ZNF385B: variants seen among roughly 807,000 people sequenced by gnomAD.
ZNF385B encodes the protein zinc finger protein 385B.
In ZNF385B, 23 loss-of-function variants were observed where a neutral mutation model predicts 39.2. The observed-to-expected ratio is 0.59, with a 90% CI of 0.42 to 0.83. The LOEUF is 0.83. ZNF385B is among the 40% of genes least tolerant of loss of function. ZNF385B has a pLI of 0.00. For synonymous variants in ZNF385B, 205 were observed against 222.6 expected (o/e 0.92, Z 0.70); for missense variants, 552 against 598.9 (o/e 0.92, Z 0.82).
chr2:179,792,229 T>C (rs1705372641), intron 1 of ZNF385B, among the ~76,000 whole-genome samples: 1 of 152,164 alleles, frequency 6.6e-6, no homozygotes, highest in South Asian at 2.1e-4. Flanking sequence ...TACTGCTTCT[T>C]ATTCTTAATA....
At position 179,443,413 on chromosome 2, in the gene ZNF385B, G is replaced by A. The variant is rs561076217; in HGVS notation, c.1298C>T (p.Ser433Phe). ...GGCTGCCGCCGCTGCGAGAGGTGAGGACAGGAAGGCTGGGGCCAAAGGCTT... is the reference window on the plus strand; with the variant it reads ...GGCTGCCGCCGCTGCGAGAGGTGAGAACAGGAAGGCTGGGGCCAAAGGCTT... ...MMKPLAPAFL[S>F]SPLAAAAAVS... Residue 433 changes from serine (S) to phenylalanine (F), a missense_variant, in exon 10 of 10, where the codon TCC (serine) becomes TTC (phenylalanine). Physicochemically the swap from Ser to Phe is radical, Grantham distance 155. Coordinates refer to ENST00000410066, the MANE Select transcript of ZNF385B (RefSeq NM_152520.6). The A allele has an allele frequency of 1.2e-6, 2 of 1,611,742 alleles. No individual in the cohort carries two copies. The highest frequency in any genetic ancestry group is 1.7e-6 in the Non-Finnish European group (2 of 1,179,138).
chr2:179,683,451 T>C lies in ZNF385B; in HGVS notation c.298+86052A>G, dbSNP rs562265265. The stretch of plus-strand genomic sequence containing the variant: ...TGTAAGAAGCACAGTAGGACCGTTG[T>C]TGTGGTTTCATGTTTACATTTTTGA... On this transcript the variant is annotated intron_variant, in intron 3 of 9. Transcript: ENST00000410066. 1.4e-4 allele frequency among the ~76,000 whole-genome samples: 21 copies of C among 151,956 alleles called. No individual in the cohort carries two copies. The South Asian group carries it at 4.4e-3, about 32-fold the overall frequency.
chr2:179,634,164 C>G lies in ZNF385B; in HGVS notation c.299-89195G>C, dbSNP rs1193698427. Among the ~76,000 whole-genome samples, 11 of 152,240 alleles carry G rather than the reference C, an allele frequency of 7.2e-5. No individual in the cohort carries two copies. The East Asian group carries it at 1.5e-3, about 21-fold the overall frequency. ...ACAGGCATGGGCAAGGACTTCATGA[C>G]TAAAACACCAAAAGCAATGGCAACA... On this transcript the variant is annotated intron_variant, in intron 3 of 9. Transcript: ENST00000410066.
chr2:179,502,966 C>T (rs531656475), intron 5 of ZNF385B, among the ~76,000 whole-genome samples: 2 of 152,146 alleles, frequency 1.3e-5, no homozygotes, highest in African/African-American at 2.4e-5. Flanking sequence ...CTTGACCTCC[C>T]GGGGTCAAAG....
chr2:179,830,219 G>A (rs1707908258), intron 1 of ZNF385B, among the ~76,000 whole-genome samples: 1 of 152,192 alleles, frequency 6.6e-6, no homozygotes, highest in Admixed American at 6.5e-5. Flanking sequence ...CTAAAAAACT[G>A]ACCATACTGT....
At position 179,817,665 on chromosome 2, in the gene ZNF385B, CTGTG is replaced by C. The variant is rs3085981; in HGVS notation, c.-155+43432_-155+43435del. Among the ~76,000 whole-genome samples, 219 of 149,642 alleles carry C rather than the reference CTGTG, an allele frequency of 1.5e-3. 1 individual carries two copies. Among genetic ancestry groups the C allele is most frequent in the East Asian group, 4.7e-3 (24 of 5,076 alleles). On this transcript the variant is annotated intron_variant, in intron 1 of 9. Coordinates refer to ENST00000410066, the MANE Select transcript of ZNF385B (RefSeq NM_152520.6). ...CATCACTGTCTGTGTGTGTAACCCTCTGTGTGTGTGTGTGTGTGTGTGTGTCAAT... is the reference window on the plus strand; with the variant it reads ...CATCACTGTCTGTGTGTGTAACCCTCTGTGTGTGTGTGTGTGTGTGTCAAT...
At chr2:179,758,120 C>A (rs1703159843) in intron 3 of ZNF385B, among the ~76,000 whole-genome samples, 1 of 152,096 alleles carries the variant, frequency 6.6e-6, no homozygotes. Flanking sequence ...ATTTCTAAGG[C>A]CAAATAAAAG....
At chr2:179,519,005 G>C (rs1418509150) in intron 4 of ZNF385B, among the ~76,000 whole-genome samples, 1 of 152,138 alleles carries the variant, frequency 6.6e-6, no homozygotes, top group Non-Finnish European at 1.5e-5. Flanking sequence ...TCTTGAGACA[G>C]GATCTTGCTC....
intron 3 of ZNF385B, among the ~76,000 whole-genome samples, chr2:179,651,203 A>G (rs1000753665): frequency 2.0e-5 from 3 of 152,116 alleles, no homozygotes; most frequent in African/African-American, 7.2e-5. Flanking sequence ...TTGCCTTCAA[A>G]TTAGGTAACT....
chr2:179,756,708 C>T (rs1309897502), intron 3 of ZNF385B, among the ~76,000 whole-genome samples: 2 of 152,110 alleles, frequency 1.3e-5, no homozygotes, highest in African/African-American at 4.8e-5. Flanking sequence ...ACACTTCTCA[C>T]TTCATTTCAT....
At chr2:179,590,577 C>A (rs900774312) in intron 3 of ZNF385B, among the ~76,000 whole-genome samples, 2 of 152,118 alleles carry the variant, frequency 1.3e-5, no homozygotes, top group African/African-American at 4.8e-5. Flanking sequence ...TCAGCTTCCC[C>A]TTGAGATAAA....
chr2:179,473,247 A>G (rs1366850338), intron 6 of ZNF385B, among the ~76,000 whole-genome samples: 1 of 152,200 alleles, frequency 6.6e-6, no homozygotes, highest in African/African-American at 2.4e-5. Context: ...ATATCCTGAA[A>G]TGAAACCACA....
chr2:179,533,545 G>A (rs376584917), intron 4 of ZNF385B, among the ~76,000 whole-genome samples: 12 of 152,140 alleles, frequency 7.9e-5, no homozygotes, highest in African/African-American at 2.9e-4. Context: ...CGCCATGCTC[G>A]GAGCACAGGT....
intron 3 of ZNF385B, among the ~76,000 whole-genome samples, chr2:179,672,395 G>C (rs570053612): frequency 7.9e-5 from 12 of 152,170 alleles, no homozygotes; most frequent in Non-Finnish European, 1.5e-4. Flanking sequence ...ATTTAGATGA[G>C]ACTTTGGACT....
At chr2:179,611,576 T>C (rs1689292707) in intron 3 of ZNF385B, among the ~76,000 whole-genome samples, 1 of 152,212 alleles carries the variant, frequency 6.6e-6, no homozygotes, top group Non-Finnish European at 1.5e-5. Flanking sequence ...TTGGAAGTAT[T>C]TCCTCCTCCT....
chr2:179,492,394 T>A (rs2055336285), intron 5 of ZNF385B, among the ~76,000 whole-genome samples: 2 of 152,176 alleles, frequency 1.3e-5, no homozygotes, highest in Admixed American at 1.3e-4. Context: ...CTTCTGATGG[T>A]CTTTTAAATT....
intron 3 of ZNF385B, among the ~76,000 whole-genome samples, chr2:179,653,774 G>A (rs948750862): frequency 2.0e-5 from 3 of 152,118 alleles, no homozygotes; most frequent in Non-Finnish European, 4.4e-5. Flanking sequence ...AAAGGACAAC[G>A]AGCAGCAGTG....
At chr2:179,776,107 C>A (rs943016134) in intron 1 of ZNF385B, among the ~76,000 whole-genome samples, 1 of 152,232 alleles carries the variant, frequency 6.6e-6, no homozygotes, top group African/African-American at 2.4e-5. Flanking sequence ...TATTTGGGGT[C>A]ATTCCTGATT....
chr2:179,498,783 A>G (rs1166552496), intron 5 of ZNF385B, among the ~76,000 whole-genome samples: 1 of 151,946 alleles, frequency 6.6e-6, no homozygotes. Context: ...ACAGAGAAGC[A>G]AGAGCAGACC....
Sources: gnomAD v4.1 joint callset for allele counts (sites outside exome capture counted in the v4.1 genomes callset) on GRCh38, gnomAD v4.1.1 for gene constraint, MANE v1.5 for transcripts, NCBI Gene and HGNC (gene_info 2026-07-23, HGNC 2026-07-21) for gene names.